MAP2K5: variants seen among roughly 807,000 people sequenced by gnomAD.
MAP2K5 encodes the protein dual specificity mitogen-activated protein kinase kinase 5.
A neutral mutation model predicts 83.1 loss-of-function variants in MAP2K5; 49 were observed. The observed-to-expected ratio is 0.59, with a 90% CI of 0.47 to 0.75. The LOEUF (loss-of-function observed/expected upper bound fraction) is 0.75. MAP2K5 is among the 30% of genes least tolerant of loss of function. The pLI is 0.00. For synonymous variants in MAP2K5, 202 were observed against 191.8 expected (o/e 1.05, Z -0.44); for missense variants, 457 against 557.5 (o/e 0.82, Z 1.82).
Position 67,573,624 on chromosome 15 carries a change from T to G in MAP2K5, c.253-7130T>G, listed in dbSNP as rs2084993518. 6.6e-6 allele frequency among the ~76,000 whole-genome samples: 1 copy of G among 152,132 alleles called. No individual in the cohort carries two copies. Among genetic ancestry groups the G allele is most frequent in the Non-Finnish European group, 1.5e-5 (1 of 68,018 alleles). On this transcript the variant is annotated intron_variant, in intron 3 of 21. Coordinates refer to ENST00000178640, the MANE Select transcript of MAP2K5 (RefSeq NM_145160.3). The surrounding 1 kb of genome is among the most constrained non-coding windows in gnomAD (Gnocchi z 4.2). ...TGGGTAAAATGAGGCTGCGACCTGC[T>G]GGGCCGCAGCCCCAGGAAGTCAGGC...
In MAP2K5 at chr15:67,790,718, A is replaced by AAAAC. The variant is rs913556968; in HGVS notation, c.1243-15916_1243-15913dup. ...AGCTGTCAGGAGAGCCAGTCACATA[A>AAAAC]AAACAAACAAACAAAAAAAAAAAAA... On this transcript the variant is annotated intron_variant, in intron 21 of 21. Transcript: ENST00000178640. This position sits in a 1 kb window ranked among gnomAD's most constrained non-coding sequence, Gnocchi z 4.6. Among the ~76,000 whole-genome samples the AAAAC allele has an allele frequency of 1.3e-5, 2 of 152,052 alleles. No individual in the cohort carries two copies. The highest frequency in any genetic ancestry group is 6.5e-5 in the Admixed American group (1 of 15,278).
At chr15:67,566,840 A>G (rs1387773320) in intron 3 of MAP2K5, among the ~76,000 whole-genome samples, 1 of 152,250 alleles carries the variant, frequency 6.6e-6, no homozygotes, top group African/African-American at 2.4e-5. Flanking sequence ...TTAAATCACT[A>G]GCAGCCTGAG....
chr15:67,710,348 A>G (rs1276965445), intron 16 of MAP2K5, among the ~76,000 whole-genome samples: 1 of 152,096 alleles, frequency 6.6e-6, no homozygotes, highest in African/African-American at 2.4e-5. Flanking sequence ...CATCATGACC[A>G]GTGTTTTATT....
rs573724473 is a variant in MAP2K5, at chr15:67,785,716, G to A, written c.1242+12964G>A. Among the ~76,000 whole-genome samples, 1 of 152,340 alleles carries A rather than the reference G, an allele frequency of 6.6e-6. No homozygotes were observed. Among genetic ancestry groups the A allele is most frequent in the South Asian group, 2.1e-4 (1 of 4,828 alleles). On this transcript the variant is annotated intron_variant, in intron 21 of 21. Transcript: ENST00000178640. The surrounding 1 kb of genome is among the most constrained non-coding windows in gnomAD (Gnocchi z 4.4). ...ATGACCTTGATGGAAGGAGGGGAAA[G>A]GTAGAAGGGTTTGTGATCTGACAAC... is the stretch of plus-strand genomic sequence containing the variant.
chr15:67,733,685 G>A (rs1486646471), intron 17 of MAP2K5, among the ~76,000 whole-genome samples: 2 of 152,160 alleles, frequency 1.3e-5, no homozygotes, highest in Non-Finnish European at 2.9e-5. Context: ...AAGGAGACAG[G>A]GCTGTCAGGC....
At position 67,656,519 on chromosome 15, in the gene MAP2K5, G is replaced by A. The variant is rs147179682; in HGVS notation, c.737-2034G>A. Among the ~76,000 whole-genome samples, 251 of 152,000 alleles carry A rather than the reference G, an allele frequency of 1.7e-3. 1 individual carries two copies. Among genetic ancestry groups the A allele is most frequent in the Admixed American group, 5.6e-3 (86 of 15,244 alleles). ...AATTTTTATATTTTTGGTAGAGATG[G>A]GGTTTTGCCGTGTCTCCTAGGCTGG... On this transcript the variant is annotated intron_variant, in intron 11 of 21. Coordinates refer to ENST00000178640, the MANE Select transcript of MAP2K5 (RefSeq NM_145160.3).
rs997079378 is a variant in MAP2K5 at position 67,801,242 on chromosome 15, C to T, written c.1243-5404C>T. ...CAGCAATGAAAGGCAAAGGGATGGGCAGTGGGTTGGCATGTGGAGGTCCCT... is the reference window on the plus strand; with the variant it reads ...CAGCAATGAAAGGCAAAGGGATGGGTAGTGGGTTGGCATGTGGAGGTCCCT... On this transcript the variant is annotated intron_variant, in intron 21 of 21. Coordinates refer to ENST00000178640, the MANE Select transcript of MAP2K5 (RefSeq NM_145160.3). The surrounding 1 kb of genome is among the most constrained non-coding windows in gnomAD (Gnocchi z 4.8). Among the ~76,000 whole-genome samples, 16 of 152,216 alleles carry T rather than the reference C, an allele frequency of 1.1e-4. No homozygotes were observed. The highest frequency in any genetic ancestry group is 3.6e-4 in the African/African-American group (15 of 41,466).
At chr15:67,548,932 A>G (rs897216864) in intron 1 of MAP2K5, 16 of 988,288 alleles carry the variant, frequency 1.6e-5, no homozygotes, top group East Asian at 5.7e-5. Context: ...AAAAAGCACT[A>G]TAGAGGCAAG....
chr15:67,578,079 A>G (rs1020229209), intron 3 of MAP2K5, among the ~76,000 whole-genome samples: 6 of 152,326 alleles, frequency 3.9e-5, no homozygotes, highest in African/African-American at 1.4e-4. Context: ...CCTCACAGCT[A>G]TCCTCTGGGT....
chr15:67,781,742 G>A lies in MAP2K5; in HGVS notation c.1242+8990G>A, dbSNP rs1015673903. On this transcript the variant is annotated intron_variant, in intron 21 of 21. Coordinates refer to ENST00000178640, the MANE Select transcript of MAP2K5 (RefSeq NM_145160.3). The surrounding 1 kb of genome is among the most constrained non-coding windows in gnomAD (Gnocchi z 4.0). ...AAAATGGAATTTTCAAATGTAACCC[G>A]ATTGACTCTTAATTGTTAGCCTGTG... 1.3e-5 allele frequency among the ~76,000 whole-genome samples: 2 copies of A among 152,106 alleles called. No homozygotes were observed. Among genetic ancestry groups the A allele is most frequent in the Non-Finnish European group, 2.9e-5 (2 of 68,016 alleles).
At chr15:67,580,600 A>G (rs900184096) in intron 3 of MAP2K5, among the ~76,000 whole-genome samples, 154 bp from the exon 4 acceptor site, 1 of 152,202 alleles carries the variant, frequency 6.6e-6, no homozygotes, top group African/African-American at 2.4e-5. Flanking sequence ...TATTCACTAT[A>G]GTCATTTTGA....
chr15:67,692,568 T>C lies in MAP2K5; in HGVS notation c.921+16T>C. 6.3e-7 allele frequency: 1 copy of C among 1,597,916 alleles called. No individual in the cohort carries two copies. Among genetic ancestry groups the C allele is most frequent in the Non-Finnish European group, 8.6e-7 (1 of 1,165,764 alleles). On this transcript the variant is annotated intron_variant, in intron 14 of 21. Transcript: ENST00000178640. Reference sequence around the variant, plus strand: ...TAGCACTCAGGTATGTCTCTTTTCCTCCCAGTGTACTGTTTTCTCTGCAAC... The same window carrying C: ...TAGCACTCAGGTATGTCTCTTTTCCCCCCAGTGTACTGTTTTCTCTGCAAC...
chr15:67,622,144 CAAAA>C (rs11289969), intron 8 of MAP2K5, among the ~76,000 whole-genome samples: 5 of 90,686 alleles, frequency 5.5e-5, no homozygotes, highest in Non-Finnish European at 9.1e-5. Context: ...GGCTCCATCT[CAAAA>C]AAAAAAAAAA....
rs186992956 is a variant in MAP2K5 at position 67,584,588 on chromosome 15, A to C, written c.323-1302A>C. Among the ~76,000 whole-genome samples the C allele has an allele frequency of 4.3e-3, 662 of 152,278 alleles. 8 individuals carry two copies. The highest frequency in any genetic ancestry group is 5.6e-3 in the Non-Finnish European group (380 of 68,018). On this transcript the variant is annotated intron_variant, in intron 4 of 21. Transcript: ENST00000178640. ...TGGTTTAGATATATTTTCTAGGAAAAATAACATAATAAATTTGAGTATATT... is the reference window on the plus strand; with the variant it reads ...TGGTTTAGATATATTTTCTAGGAAACATAACATAATAAATTTGAGTATATT...
chr15:67,617,316 T>G (rs887574656), intron 8 of MAP2K5, among the ~76,000 whole-genome samples: 1 of 152,222 alleles, frequency 6.6e-6, no homozygotes, highest in Non-Finnish European at 1.5e-5. Flanking sequence ...TATAAATTCT[T>G]TCTGCTCATA....
rs2140948447 is a variant in MAP2K5 at position 67,552,601 on chromosome 15, A to T, written c.184+2519A>T. On this transcript the variant is annotated intron_variant, in intron 2 of 21. Coordinates refer to ENST00000178640, the MANE Select transcript of MAP2K5 (RefSeq NM_145160.3). This position sits in a 1 kb window ranked among gnomAD's most constrained non-coding sequence, Gnocchi z 4.2. ...AGGCACCCACCTCCACACCTAGCTA[A>T]TTAAAAAAATTTTTTTGTAGAAACG... 6.6e-6 allele frequency among the ~76,000 whole-genome samples: 1 copy of T among 152,148 alleles called. No homozygotes were observed. Among genetic ancestry groups the T allele is most frequent in the Non-Finnish European group, 1.5e-5 (1 of 67,992 alleles).
In MAP2K5 at chr15:67,748,851, A is replaced by C. The variant is rs1050811362; in HGVS notation, c.1134+250A>C. The stretch of plus-strand genomic sequence containing the variant: ...GGGCATCAGATGCCCTAAAGACAAA[A>C]CACAATAATATTAATTGACCCTCTC... On this transcript the variant is annotated intron_variant, in intron 19 of 21. Coordinates refer to ENST00000178640, the MANE Select transcript of MAP2K5 (RefSeq NM_145160.3). This position sits in a 1 kb window ranked among gnomAD's most constrained non-coding sequence, Gnocchi z 4.0. Among the ~76,000 whole-genome samples the C allele has an allele frequency of 6.6e-6, 1 of 152,200 alleles. No individual in the cohort carries two copies. The highest frequency in any genetic ancestry group is 2.4e-5 in the African/African-American group (1 of 41,438).
At chr15:67,710,874 A>C (rs1179514850) in intron 16 of MAP2K5, among the ~76,000 whole-genome samples, 2 of 152,212 alleles carry the variant, frequency 1.3e-5, no homozygotes, top group African/African-American at 4.8e-5. Context: ...TACCTTTACC[A>C]AGTTAAAAAT....
At chr15:67,686,603 AAATAATAATAATAATAAT>A (rs57116318) in intron 13 of MAP2K5, among the ~76,000 whole-genome samples, 58 of 148,536 alleles carry the variant, frequency 3.9e-4, no homozygotes, top group Admixed American at 1.9e-3. Flanking sequence ...ACTGTGTCTC[AAATAATAATAATAATAAT>A]AATAATAATA....
Sources: allele counts gnomAD v4.1 joint callset (sites outside exome capture counted in the v4.1 genomes callset), GRCh38; gene constraint gnomAD v4.1.1; non-coding constraint Gnocchi (gnomAD v3.1); transcripts MANE v1.5; gene names NCBI Gene and HGNC (gene_info 2026-07-23, HGNC 2026-07-21).